CAND1: variants seen among roughly 807,000 people sequenced by gnomAD.
CAND1 encodes the protein cullin associated and neddylation dissociated 1.
In CAND1, 7 loss-of-function variants were observed where a neutral mutation model predicts 108.5. That is an observed-to-expected ratio of 0.06 (90% confidence interval 0.04 to 0.12). CAND1 has a LOEUF of 0.12. CAND1 is among the 10% of genes least tolerant of loss of function. The probability of loss-of-function intolerance (pLI) is 1.00; values close to 1 mark genes in which losing one functional copy is unlikely to be tolerated. For synonymous variants in CAND1, 534 were observed against 512.0 expected (o/e 1.04, Z -0.58); for missense variants, 941 against 1,448.7 (o/e 0.65, Z 5.69).
At chr12:67,298,359 A>G (rs1055562598) in intron 6 of CAND1, among the ~76,000 whole-genome samples, 1 of 140,080 alleles carries the variant, frequency 7.1e-6, no homozygotes, top group Admixed American at 6.7e-5. Flanking sequence ...TGACTAATGC[A>G]GTAGCATGGT....
In CAND1 at chr12:67,287,727, T is replaced by C. The variant is rs192263806; in HGVS notation, c.213-4895T>C. Among the ~76,000 whole-genome samples, 945 of 152,072 alleles carry C rather than the reference T, an allele frequency of 6.2e-3. 4 individuals carry two copies. The highest frequency in any genetic ancestry group is 9.8e-3 in the Non-Finnish European group (668 of 67,962). On this transcript the variant is annotated intron_variant, in intron 2 of 14. Transcript: ENST00000545606. ...ATTGATTTTTTCTGTGATTATTGCT[T>C]TCCTAATGGGTTTCTTTCTAATTTA...
intron 2 of CAND1, among the ~76,000 whole-genome samples, chr12:67,288,868 CAG>C (rs1240493285): frequency 6.6e-6 from 1 of 152,180 alleles, no homozygotes; most frequent in East Asian, 1.9e-4. Context: ...GAAGTTTGGT[CAG>C]AGAGTCTTTG....
At chr12:67,294,176 G>A (rs1455648131) in intron 3 of CAND1, among the ~76,000 whole-genome samples, 1 of 151,910 alleles carries the variant, frequency 6.6e-6, no homozygotes, top group African/African-American at 2.4e-5. Context: ...AAATGTGTTT[G>A]CATTGAGCCA....
In CAND1 at chr12:67,295,149, T is replaced by C. The variant is rs1450586207; in HGVS notation, c.484T>C (p.Leu162=). ...LEALDIMADM[L]SRQGGLLVNF... is the part of the protein sequence containing the mutation. The stretch of plus-strand genomic sequence containing the variant: ...AGCCTTGGATATTATGGCTGATATG[T>C]TGAGCAGGTAAGTGTGCCTGTTTAT... Residue 162 remains leucine (L), a synonymous_variant, in exon 4 of 15, where the codon TTG becomes CTG. Coordinates refer to ENST00000545606, the MANE Select transcript of CAND1 (RefSeq NM_018448.5). The C allele has an allele frequency of 7.4e-6, 12 of 1,611,734 alleles. No individual in the cohort carries two copies. The highest frequency in any genetic ancestry group is 1.1e-5 in the South Asian group (1 of 90,812).
chr12:67,301,731 A>G (rs1240773340), intron 7 of CAND1, among the ~76,000 whole-genome samples: 3 of 152,332 alleles, frequency 2.0e-5, no homozygotes, highest in Non-Finnish European at 4.4e-5. Context: ...TAGAATATAC[A>G]TATTTGTTCC....
At position 67,305,481 on chromosome 12, in the gene CAND1, G is replaced by C. The variant is rs776917854; in HGVS notation, c.1813G>C (p.Gly605Arg). Residue 605 changes from glycine (G) to arginine (R), a missense_variant, in exon 10 of 15, where the codon GGT (glycine) becomes CGT (arginine). Gly to Arg is a moderately radical substitution (Grantham distance 125, BLOSUM62 -2). Coordinates refer to ENST00000545606, the MANE Select transcript of CAND1 (RefSeq NM_018448.5). The surrounding 1 kb of genome is among the most constrained non-coding windows in gnomAD (Gnocchi z 4.4). ...QIICNLGDNL[G>R]SDLPNTLQIF... is the part of the protein sequence containing the mutation. ...TATTTGCAACCTTGGAGACAATTTG[G>C]GTTCTGACTTGCCTAATACACTTCA... 6.2e-7 allele frequency: 1 copy of C among 1,613,614 alleles called. No homozygotes were observed. Among genetic ancestry groups the C allele is most frequent in the Non-Finnish European group, 8.5e-7 (1 of 1,179,994 alleles).
intron 2 of CAND1, among the ~76,000 whole-genome samples, chr12:67,288,272 G>T (rs951098121): frequency 6.6e-6 from 1 of 151,618 alleles, no homozygotes. Flanking sequence ...GTGGTTACAG[G>T]CGCACACCAT....
intron 2 of CAND1, among the ~76,000 whole-genome samples, chr12:67,288,639 G>C (rs184684773): frequency 6.6e-6 from 1 of 152,162 alleles, no homozygotes; most frequent in Non-Finnish European, 1.5e-5. Flanking sequence ...AAAGACTATT[G>C]CAATAGGCGA....
chr12:67,294,121 T>C (rs960769215), intron 3 of CAND1, among the ~76,000 whole-genome samples: 4 of 152,220 alleles, frequency 2.6e-5, no homozygotes, highest in Non-Finnish European at 4.4e-5. Flanking sequence ...TTATTTATAA[T>C]TGTATTAGCT....
At position 67,292,784 on chromosome 12, in the gene CAND1, A is replaced by G; in HGVS notation, c.367+8A>G. ...TTCCTCCAGCTTCCAGTGGTAAGCAAGAGCACATTTTTCTTCCTATTTCTT... is the reference window on the plus strand; with the variant it reads ...TTCCTCCAGCTTCCAGTGGTAAGCAGGAGCACATTTTTCTTCCTATTTCTT... On this transcript the variant is annotated splice_region_variant and intron_variant, in intron 3 of 14. Transcript: ENST00000545606. The G allele has an allele frequency of 6.2e-7, 1 of 1,612,398 alleles. No individual in the cohort carries two copies. The highest frequency in any genetic ancestry group is 8.5e-7 in the Non-Finnish European group (1 of 1,179,462).
chr12:67,269,991 C>T (rs1002578610), intron 1 of CAND1: 1 of 530,986 alleles, frequency 1.9e-6, no homozygotes. Context: ...ATTCTTTCTC[C>T]TAGGCAGTTG....
At chr12:67,281,213 C>A (rs2044617028) in intron 1 of CAND1, among the ~76,000 whole-genome samples, 1 of 151,132 alleles carries the variant, frequency 6.6e-6, no homozygotes, top group Admixed American at 6.6e-5. Context: ...GCCTGTAATC[C>A]CAACTACTTG....
intron 2 of CAND1, among the ~76,000 whole-genome samples, chr12:67,284,800 C>CACACAA (rs138373683): frequency 6.6e-6 from 1 of 151,698 alleles, no homozygotes; most frequent in Non-Finnish European, 1.5e-5. Flanking sequence ...CACATACACA[C>CACACAA]ACTTACTTCA....
chr12:67,298,839 G>T, intron 6 of CAND1, 111 bp from the exon 7 acceptor site: 1 of 663,906 alleles, frequency 1.5e-6, no homozygotes, highest in East Asian at 2.8e-5. Flanking sequence ...GTGCTAGATA[G>T]TCTGGGAACT....
chr12:67,294,963 AC>A (rs2044755241), intron 3 of CAND1, 69 bp from the exon 4 acceptor site: 1 of 1,507,298 alleles, frequency 6.6e-7, no homozygotes, highest in South Asian at 1.2e-5. Context: ...ATATTTGGTA[AC>A]TACCATGAAT....
intron 7 of CAND1, among the ~76,000 whole-genome samples, chr12:67,300,897 C>T (rs193214332): frequency 3.7e-4 from 57 of 152,146 alleles, no homozygotes; most frequent in African/African-American, 1.3e-3. Flanking sequence ...TTTTTGTGTG[C>T]TGTATAACAA....
Position 67,282,057 on chromosome 12 carries a change from AGTT to A in CAND1, c.212+8_212+10del. On this transcript the variant is annotated splice_donor_5th_base_variant and intron_variant, in intron 2 of 14. Coordinates refer to ENST00000545606, the MANE Select transcript of CAND1 (RefSeq NM_018448.5). ...TACAGAATTTAGCTGTCAAATGGTA[AGTT>A]GTTTTTTACTGGTTGAGTCTTTCTT... The A allele has an allele frequency of 6.2e-7, 1 of 1,611,378 alleles. No individual in the cohort carries two copies. The highest frequency in any genetic ancestry group is 8.5e-7 in the Non-Finnish European group (1 of 1,179,154).
chr12:67,295,384 T>C (rs2044759838), intron 4 of CAND1, among the ~76,000 whole-genome samples: 1 of 152,196 alleles, frequency 6.6e-6, no homozygotes. Flanking sequence ...TTTAAAGTAA[T>C]TAATAAAATT....
intron 2 of CAND1, among the ~76,000 whole-genome samples, chr12:67,291,408 G>A (rs2044720548): frequency 1.3e-5 from 2 of 152,142 alleles, no homozygotes; most frequent in South Asian, 4.1e-4. Context: ...TTCATGAGGT[G>A]GTGTTTGGTA....
Sources: allele counts gnomAD v4.1 joint callset (sites outside exome capture counted in the v4.1 genomes callset), GRCh38; gene constraint gnomAD v4.1.1; non-coding constraint Gnocchi (gnomAD v3.1); transcripts MANE v1.5; gene names NCBI Gene and HGNC (gene_info 2026-07-23, HGNC 2026-07-21).